The following GRIA4 variants were observed in gnomAD, a reference collection of about 807,000 sequenced individuals.
GRIA4 encodes the protein glutamate receptor 4.
GRIA4 carries 34 observed loss-of-function variants against 104.0 expected under a neutral mutation model. That is an observed-to-expected ratio of 0.33 (90% confidence interval 0.25 to 0.44). The LOEUF (loss-of-function observed/expected upper bound fraction) is 0.44. Among genes scored for constraint, GRIA4 ranks in the 20% least tolerant of loss-of-function variants. The pLI is 1.00. For synonymous variants in GRIA4, 386 were observed against 381.9 expected (o/e 1.01, Z -0.13); for missense variants, 750 against 1,096.5 (o/e 0.68, Z 4.46).
intron 3 of GRIA4, among the ~76,000 whole-genome samples, chr11:105,731,623 A>G (rs762474232): frequency 9.9e-5 from 15 of 152,200 alleles, no homozygotes; most frequent in Non-Finnish European, 1.9e-4. Context: ...CTTGGAACAA[A>G]CCCAAATGCT....
intron 3 of GRIA4, among the ~76,000 whole-genome samples, chr11:105,664,027 A>T (rs1374386061): frequency 6.6e-6 from 1 of 150,402 alleles, no homozygotes; most frequent in Non-Finnish European, 1.5e-5. Context: ...GATCGAAGGA[A>T]AAGCTATATG....
At chr11:105,921,196 T>A (rs1947548299) in intron 11 of GRIA4, among the ~76,000 whole-genome samples, 1 of 152,168 alleles carries the variant, frequency 6.6e-6, no homozygotes, top group South Asian at 2.1e-4. Flanking sequence ...CCAGAACCTC[T>A]CTCACACTCA....
chr11:105,881,277 T>C (rs1946047371), intron 5 of GRIA4, among the ~76,000 whole-genome samples: 1 of 152,214 alleles, frequency 6.6e-6, no homozygotes, highest in Non-Finnish European at 1.5e-5. Context: ...ATTAATGCTC[T>C]GGCACTTCTA....
intron 9 of GRIA4, among the ~76,000 whole-genome samples, chr11:105,906,314 A>T (rs540044959): frequency 6.6e-6 from 1 of 152,268 alleles, no homozygotes; most frequent in South Asian, 2.1e-4. Context: ...TTTTACTCTT[A>T]GTATTTTCTC....
chr11:105,751,147 C>T (rs1360238724), intron 3 of GRIA4, among the ~76,000 whole-genome samples: 3 of 152,134 alleles, frequency 2.0e-5, no homozygotes, highest in African/African-American at 7.2e-5. Context: ...AATTCTACAG[C>T]TCTTCAATTT....
intron 3 of GRIA4, among the ~76,000 whole-genome samples, chr11:105,640,452 C>A (rs1056519542): frequency 6.6e-6 from 1 of 151,732 alleles, no homozygotes; most frequent in Non-Finnish European, 1.5e-5. Context: ...AATGCACATA[C>A]TAATTTTACT....
intron 4 of GRIA4, among the ~76,000 whole-genome samples, chr11:105,768,107 C>T (rs1941035239): frequency 6.6e-6 from 1 of 152,114 alleles, no homozygotes; most frequent in African/African-American, 2.4e-5. Flanking sequence ...AGTCCTGCAG[C>T]TGCTGTGTAT....
In GRIA4 at chr11:105,933,948, C is replaced by T. The variant is rs940677312; in HGVS notation, c.2273C>T (p.Thr758Met). 2 of 1,612,590 alleles carry T rather than the reference C, an allele frequency of 1.2e-6. No homozygotes were observed. The highest frequency in any genetic ancestry group is 1.7e-6 in the Non-Finnish European group (2 of 1,178,958). Residue 758 changes from threonine (T) to methionine (M), a missense_variant, in exon 14 of 17, where the codon ACG becomes ATG. Around this residue, in one of 3 missense-constraint regions of GRIA4, gnomAD observed 272 missense variants for 524.5 expected, o/e 0.52. Coordinates refer to ENST00000282499, the MANE Select transcript of GRIA4 (RefSeq NM_000829.4). The part of the protein sequence containing the change: ...NLDSKGYGVA[T>M]PKGSSLRTPV... ...GATTCCAAAGGCTATGGAGTAGCAA[C>T]GCCCAAGGGTTCCTCATTAAGGTGG... is the stretch of plus-strand genomic sequence containing the variant.
At chr11:105,921,544 C>A (rs1783878) in intron 11 of GRIA4, among the ~76,000 whole-genome samples, 1 of 152,092 alleles carries the variant, frequency 6.6e-6, no homozygotes, top group Non-Finnish European at 1.5e-5. Flanking sequence ...TAGACTCTCA[C>A]CTATCTCTAA....
chr11:105,956,213 C>T (rs1948586007), intron 14 of GRIA4, among the ~76,000 whole-genome samples: 1 of 152,048 alleles, frequency 6.6e-6, no homozygotes. Context: ...CACCCATCAA[C>T]TCGTCATTTA....
chr11:105,977,796 T>G (rs924725226), intron 16 of GRIA4, among the ~76,000 whole-genome samples: 1 of 152,034 alleles, frequency 6.6e-6, no homozygotes, highest in African/African-American at 2.4e-5. Flanking sequence ...TAGGAAAACA[T>G]TCACCTCCAA....
chr11:105,710,547 A>G (rs1470350393), intron 3 of GRIA4, among the ~76,000 whole-genome samples: 1 of 152,170 alleles, frequency 6.6e-6, no homozygotes, highest in African/African-American at 2.4e-5. Context: ...AATGTTAGGC[A>G]TACATTTAGA....
At chr11:105,851,531 G>C (rs949770648) in intron 4 of GRIA4, among the ~76,000 whole-genome samples, 1 of 152,196 alleles carries the variant, frequency 6.6e-6, no homozygotes, top group Non-Finnish European at 1.5e-5. Context: ...ACCCCACATG[G>C]ATGAGGCCAG....
At chr11:105,648,413 T>A (rs1951590590) in intron 3 of GRIA4, among the ~76,000 whole-genome samples, 1 of 151,202 alleles carries the variant, frequency 6.6e-6, no homozygotes, top group South Asian at 2.1e-4. Flanking sequence ...AAAAATTGGA[T>A]AAATTATTTA....
chr11:105,666,135 T>G (rs1399122009), intron 3 of GRIA4, among the ~76,000 whole-genome samples: 1 of 152,034 alleles, frequency 6.6e-6, no homozygotes. Context: ...TGAAATAACT[T>G]TAAACCATGG....
chr11:105,948,866 C>T (rs1948396279), intron 14 of GRIA4, among the ~76,000 whole-genome samples: 1 of 152,062 alleles, frequency 6.6e-6, no homozygotes, highest in African/African-American at 2.4e-5. Context: ...GCTGAGATGA[C>T]AGGCATGAGC....
chr11:105,936,549 G>T (rs1948040576), intron 14 of GRIA4, among the ~76,000 whole-genome samples: 1 of 152,136 alleles, frequency 6.6e-6, no homozygotes, highest in Admixed American at 6.6e-5. Context: ...ACAGTAATCT[G>T]TCCTTCTATT....
chr11:105,894,840 T>C lies in GRIA4; in HGVS notation c.727-3429T>C, dbSNP rs1286736292. 9.1e-4 allele frequency among the ~76,000 whole-genome samples: 92 copies of C among 101,482 alleles called. 7 individuals are homozygous for C. The highest frequency in any genetic ancestry group is 1.5e-3 in the Admixed American group (13 of 8,704). 66.6% of individuals were successfully genotyped at this position (101,482 alleles called of 152,430 possible). ...CGGAGTCTCGCTCTGTCGCCCAGGC[T>C]GGACTGCGGACTGCAGTGGCGCAAT... On this transcript the variant is annotated intron_variant, in intron 6 of 16. Coordinates refer to ENST00000282499, the MANE Select transcript of GRIA4 (RefSeq NM_000829.4).
chr11:105,863,055 TTAGTTTTTTACATA>T (rs1395770674), intron 5 of GRIA4, among the ~76,000 whole-genome samples: 1 of 152,202 alleles, frequency 6.6e-6, no homozygotes, highest in African/African-American at 2.4e-5. Flanking sequence ...TTTTTGTTGG[TTAGTTTTTTACATA>T]TAGCTTAACT....
Sources: gnomAD v4.1 joint callset for allele counts (sites outside exome capture counted in the v4.1 genomes callset) on GRCh38, gnomAD v4.1.1 for gene constraint, gnomAD v4.1.1 regional missense constraint, MANE v1.5 for transcripts, NCBI Gene and HGNC (gene_info 2026-07-23, HGNC 2026-07-21) for gene names.